Variants in PTCHD1 observed in about 807,000 individuals in gnomAD.
PTCHD1 encodes the protein patched domain containing 1, also known as patched domain-containing protein 1.
Under a neutral mutation model 34.6 loss-of-function variants are expected in PTCHD1, and 3 were observed. The observed-to-expected ratio is 0.09, with a 90% CI of 0.04 to 0.22. The LOEUF is 0.22. Ranked by LOEUF, PTCHD1 falls within the 10% of genes least tolerant of loss-of-function variation. The pLI is 1.00. For missense variants in PTCHD1, 504 were observed against 685.5 expected (o/e 0.74, Z 2.96); for synonymous variants, 305 against 283.1 (o/e 1.08, Z -0.77).
chrX:23,355,925 T>C (rs2146621103), intron 1 of PTCHD1, among the ~76,000 whole-genome samples: 1 of 112,862 alleles, frequency 8.9e-6, no homozygotes, highest in East Asian at 2.8e-4. Context: ...TTGGTTTTGT[T>C]TTTAAACTGC....
At chrX:23,364,649 G>A (rs1468825821) in intron 1 of PTCHD1, among the ~76,000 whole-genome samples, 1 of 111,986 alleles carries the variant, frequency 8.9e-6, no homozygotes, top group Non-Finnish European at 1.9e-5. Context: ...TACTCCCCAG[G>A]CACATCACTG....
At chrX:23,365,583 G>A (rs1407287695) in intron 1 of PTCHD1, among the ~76,000 whole-genome samples, 1 of 111,525 alleles carries the variant, frequency 9.0e-6, no homozygotes, top group Non-Finnish European at 1.9e-5. Context: ...CACACTGGGG[G>A]AAGCTCTGGG....
chrX:23,348,569 A>G (rs2060550166), intron 1 of PTCHD1, among the ~76,000 whole-genome samples: 1 of 111,303 alleles, frequency 9.0e-6, no homozygotes, highest in Admixed American at 9.6e-5. Flanking sequence ...GACACCTTAT[A>G]TATAGAGGAA....
rs200374110 is a variant in PTCHD1, at chrX:23,349,258, AAAAC to A, written c.351+14036_351+14039del. On this transcript the variant is annotated intron_variant, in intron 1 of 2. Transcript: ENST00000379361. ...AAATGCAAAAACAACAACAACAACA[AAAAC>A]AAAAAACAGAACAGTTACCACCATG... Among the ~76,000 whole-genome samples the A allele has an allele frequency of 8.8e-4, 99 of 112,045 alleles. 1 individual carries two copies. The highest frequency in any genetic ancestry group is 7.3e-3 in the Admixed American group (77 of 10,591).
At chrX:23,388,499 G>A (rs141175345) in intron 2 of PTCHD1, among the ~76,000 whole-genome samples, 2,096 of 112,199 alleles carry the variant, frequency 0.019, 85 homozygotes, top group East Asian at 0.17. Flanking sequence ...AAGATTTGGC[G>A]TCAGAGTTCC....
chrX:23,342,296 ATATATATATATATATTTTTTTT>A (rs1179585504), intron 1 of PTCHD1, among the ~76,000 whole-genome samples: 5 of 13,155 alleles, frequency 3.8e-4, no homozygotes, highest in African/African-American at 1.5e-3. Context: ...ATATATATAT[ATATATATATATATATTTTTTTT>A]TTTTTTTTTT....
chrX:23,338,764 C>G (rs1921234129), intron 1 of PTCHD1, among the ~76,000 whole-genome samples: 1 of 111,859 alleles, frequency 8.9e-6, no homozygotes, highest in Non-Finnish European at 1.9e-5. Flanking sequence ...TGATACACTA[C>G]TGGAATGATT....
intron 1 of PTCHD1, among the ~76,000 whole-genome samples, chrX:23,372,313 C>T (rs1922302406): frequency 1.8e-5 from 2 of 109,876 alleles, no homozygotes; most frequent in Admixed American, 9.7e-5. Context: ...AAGAGCAAGA[C>T]GAGCACTGCA....
At chrX:23,390,146 T>C (rs1365809147) in intron 2 of PTCHD1, among the ~76,000 whole-genome samples, 1 of 111,953 alleles carries the variant, frequency 8.9e-6, no homozygotes, top group Non-Finnish European at 1.9e-5. Flanking sequence ...TTCTATTATA[T>C]GACTAATTCT....
Position 23,372,213 on chromosome X carries a change from G to A in PTCHD1, c.352-7378G>A, listed in dbSNP as rs180766991. 4.6e-5 allele frequency among the ~76,000 whole-genome samples: 5 copies of A among 109,554 alleles called. No individual in the cohort carries two copies. The East Asian group carries it at 1.2e-3, about 25-fold the overall frequency. ...TTTTTTTAAATTAGGGGTGAGCTCA[G>A]GAAAGATGATTGCATTTAAGCAGGG... On this transcript the variant is annotated intron_variant, in intron 1 of 2. Transcript: ENST00000379361.
chrX:23,394,892 T>C lies in PTCHD1; in HGVS notation c.*707T>C, dbSNP rs1188313863. ...GCCATTGGTATGCCTTTAACATTTG[T>C]ATAGTTTGGTTTGCTTAAAACACCT... is the stretch of plus-strand genomic sequence containing the variant. On this transcript the variant is annotated 3_prime_UTR_variant, in exon 3 of 3. Transcript: ENST00000379361. The C allele has an allele frequency of 8.8e-6, 1 of 113,190 alleles. No homozygotes were observed. The allele number at this position is 113,190 out of a possible 1,213,427, so 9.3% of individuals were successfully genotyped here.
At chrX:23,335,278 G>A (rs369501943) in intron 1 of PTCHD1, 52 bp downstream of exon 1, 48 of 1,016,338 alleles carry the variant, frequency 4.7e-5, no homozygotes, top group African/African-American at 3.9e-4. Flanking sequence ...GCCGCGGTCG[G>A]GCTGGCTCTG....
chrX:23,367,634 T>C (rs1486485703), intron 1 of PTCHD1, among the ~76,000 whole-genome samples: 2 of 111,514 alleles, frequency 1.8e-5, no homozygotes, highest in East Asian at 5.6e-4. Flanking sequence ...TAACTGAATC[T>C]TGCAAAAACA....
intron 1 of PTCHD1, among the ~76,000 whole-genome samples, chrX:23,354,895 C>T (rs934117398): frequency 5.8e-4 from 64 of 109,893 alleles, no homozygotes; most frequent in Non-Finnish European, 1.2e-3. Flanking sequence ...TTTTTAACTG[C>T]TGCTAGCCAT....
chrX:23,382,062 A>T (rs1922577544), intron 2 of PTCHD1, among the ~76,000 whole-genome samples: 1 of 111,663 alleles, frequency 9.0e-6, no homozygotes, highest in Non-Finnish European at 1.9e-5. Context: ...GAAGAGAAAT[A>T]GGAATAAGAA....
intron 1 of PTCHD1, among the ~76,000 whole-genome samples, chrX:23,366,646 T>G (rs773929267): frequency 7.2e-5 from 8 of 111,345 alleles, no homozygotes; most frequent in Admixed American, 2.9e-4. Context: ...GCAAGGCCAG[T>G]GTGGGTGCCC....
chrX:23,336,970 T>C (rs1348947424), intron 1 of PTCHD1, among the ~76,000 whole-genome samples: 1 of 111,106 alleles, frequency 9.0e-6, no homozygotes, highest in Non-Finnish European at 1.9e-5. Flanking sequence ...TCCATTGCCT[T>C]TCCCCCCCCA....
intron 1 of PTCHD1, among the ~76,000 whole-genome samples, chrX:23,370,633 T>G (rs1241928454): frequency 8.9e-6 from 1 of 112,070 alleles, no homozygotes; most frequent in Non-Finnish European, 1.9e-5. Context: ...TTTCTTCTTA[T>G]TTTTTCTTTC....
chrX:23,371,904 CT>C (rs986732378), intron 1 of PTCHD1, among the ~76,000 whole-genome samples: 1 of 111,459 alleles, frequency 9.0e-6, no homozygotes, highest in African/African-American at 3.3e-5. Flanking sequence ...TCTCATTTGG[CT>C]TTCATCATGC....
Sources: gnomAD v4.1 joint callset for allele counts (sites outside exome capture counted in the v4.1 genomes callset) on GRCh38, gnomAD v4.1.1 for gene constraint, MANE v1.5 for transcripts, NCBI Gene and HGNC (gene_info 2026-07-23, HGNC 2026-07-21) for gene names.